The following USP13 variants were observed in gnomAD, a reference collection of about 807,000 sequenced individuals.
USP13 encodes ubiquitin carboxyl-terminal hydrolase 13.
USP13 carries 68 observed loss-of-function variants against 107.8 expected under a neutral mutation model. That is an observed-to-expected ratio of 0.63 (90% CI 0.52 to 0.77). The LOEUF (loss-of-function observed/expected upper bound fraction) is 0.77, where lower values mean the gene tolerates loss of function less well. Ranked by LOEUF, USP13 falls within the 30% of genes least tolerant of loss-of-function variation. USP13 has a pLI of 0.00. For synonymous variants in USP13, 377 were observed against 389.5 expected, an observed-to-expected ratio of 0.97 and a Z score of 0.38; for missense variants, 945 against 1,093.3, an observed-to-expected ratio of 0.86 and a Z score of 1.91.
chr3:179,746,440 GT>G (rs1039652000), intron 13 of USP13, among the ~76,000 whole-genome samples: 1 of 145,358 alleles, frequency 6.9e-6, no homozygotes. Context: ...ATTTTTTTTT[GT>G]TTTTTTTTGA....
At chr3:179,690,200 T>G (rs1459609893) in intron 2 of USP13, 41 bp from the exon 3 acceptor site, 1 of 1,590,574 alleles carries the variant, frequency 6.3e-7, no homozygotes. Context: ...AGATGTTTAT[T>G]TTATAGGCCG....
Position 179,703,748 on chromosome 3 carries a change from C to T in USP13, c.477+2619C>T, listed in dbSNP as rs576076891. 2.0e-5 allele frequency among the ~76,000 whole-genome samples: 3 copies of T among 152,174 alleles called. No individual in the cohort carries two copies. In the East Asian group the frequency reaches 5.8e-4, roughly 29 times the overall value. ...CCATTGTACAGAATTTCCAGCATTC[C>T]GCTGACATGCATGTAAATAAAACCT... On this transcript the variant is annotated intron_variant, in intron 4 of 20. Coordinates refer to ENST00000263966, the MANE Select transcript of USP13 (RefSeq NM_003940.3).
intron 16 of USP13, 136 bp from the exon 17 acceptor site, chr3:179,760,976 C>A: frequency 8.9e-7 from 1 of 1,127,376 alleles, no homozygotes; most frequent in Non-Finnish European, 1.2e-6. Context: ...CAAAACTAAA[C>A]AAAGTAAAAC....
Position 179,653,432 on chromosome 3 carries a change from G to A in USP13, c.168+39G>A. 1 of 1,536,068 alleles carries A rather than the reference G, an allele frequency of 6.5e-7. No homozygotes were observed. The highest frequency in any genetic ancestry group is 1.4e-5 in the African/African-American group (1 of 72,400). ...CTCGGGGGAGGGTCGCGGGGCCGGC[G>A]GCCTGCGGCACGTGAAGCCGGGGGA... On this transcript the variant is annotated intron_variant, in intron 1 of 20. Coordinates refer to ENST00000263966, the MANE Select transcript of USP13 (RefSeq NM_003940.3). This position sits in a 1 kb window ranked among gnomAD's most constrained non-coding sequence, Gnocchi z 4.0.
Position 179,730,701 on chromosome 3 carries a change from G to A in USP13, c.1246G>A (p.Glu416Lys). 1 of 1,614,060 alleles carries A rather than the reference G, an allele frequency of 6.2e-7. No homozygotes were observed. The highest frequency in any genetic ancestry group is 8.5e-7 in the Non-Finnish European group (1 of 1,179,930). ...ACTCATTGAACAGGTGATGAAGGAGGAGCACAAGGTATGTGTCCGAGCGTT... is the reference window on the plus strand; with the variant it reads ...ACTCATTGAACAGGTGATGAAGGAGAAGCACAAGGTATGTGTCCGAGCGTT... ...SELIEQVMKEEHKPQQNGISP... is the reference protein window; with the variant it reads ...SELIEQVMKEKHKPQQNGISP... The change falls in exon 10 of 21, where the codon GAG becomes AAG. Residue 416 changes from glutamate (E) to lysine (K), a missense_variant. Physicochemically the swap from Glu to Lys is moderately conservative, Grantham distance 56. Coordinates refer to ENST00000263966, the MANE Select transcript of USP13 (RefSeq NM_003940.3).
intron 8 of USP13, among the ~76,000 whole-genome samples, chr3:179,727,483 G>A (rs1196453171): frequency 8.9e-6 from 1 of 112,434 alleles, no homozygotes; most frequent in Non-Finnish European, 1.9e-5. Flanking sequence ...AGGGTTGGGG[G>A]TAAGGTCACA....
chr3:179,722,410 T>C (rs566368631), intron 8 of USP13, among the ~76,000 whole-genome samples: 96 of 152,338 alleles, frequency 6.3e-4, no homozygotes, highest in African/African-American at 2.1e-3. Context: ...CATTGGGAAA[T>C]TGTAACAATT....
In USP13 at chr3:179,784,134, C is replaced by T. The variant is rs1323170286; in HGVS notation, c.2585C>T (p.Pro862Leu). Residue 862 changes from proline to leucine, a missense_variant, in exon 21 of 21, where the codon CCA becomes CTA. Transcript: ENST00000263966. Reference sequence around the variant, plus strand: ...TACATGTACTTTTACCGCAGGATACCAAGCTAAACCTCAAATATAAAAATT... The same window carrying T: ...TACATGTACTTTTACCGCAGGATACTAAGCTAAACCTCAAATATAAAAATT... Reference protein sequence around the residue: ...LGYMYFYRRIPS With the variant: ...LGYMYFYRRILS The T allele has an allele frequency of 2.5e-6, 4 of 1,600,924 alleles. No individual in the cohort carries two copies. The highest frequency in any genetic ancestry group is 1.4e-5 in the African/African-American group (1 of 73,828).
At chr3:179,774,573 C>T (rs1346607806) in intron 19 of USP13, among the ~76,000 whole-genome samples, 1 of 149,576 alleles carries the variant, frequency 6.7e-6, no homozygotes, top group African/African-American at 2.6e-5. Context: ...GGTTTGTGGT[C>T]TCGCTGGCCT....
intron 16 of USP13, among the ~76,000 whole-genome samples, chr3:179,758,692 G>T (rs1199571994): frequency 1.3e-5 from 2 of 151,902 alleles, no homozygotes; most frequent in Non-Finnish European, 2.9e-5. Context: ...TAGAGACGGG[G>T]TTTTACCGTG....
intron 3 of USP13, among the ~76,000 whole-genome samples, chr3:179,696,423 C>G (rs554851272): frequency 2.0e-5 from 3 of 151,446 alleles, no homozygotes; most frequent in South Asian, 4.2e-4. Context: ...CTCCGCCTCC[C>G]GGGTTCAAGC....
chr3:179,707,198 G>T lies in USP13; in HGVS notation c.620+122G>T. ...TCTTACCAGATGCCTTTTATTAAAA[G>T]TAAATATAAAACTTCTCTAAAATTG... On this transcript the variant is annotated intron_variant, in intron 5 of 20. Transcript: ENST00000263966. 7.0e-6 allele frequency: 9 copies of T among 1,278,354 alleles called. No individual in the cohort carries two copies. In the East Asian group the frequency reaches 7.9e-5, roughly 11 times the overall value. 79.2% of individuals were successfully genotyped at this position (1,278,354 alleles called of 1,614,324 possible). A position where few individuals can be genotyped will look rare whatever the true frequency, so the allele number is the denominator to read the frequency against.
At chr3:179,731,788 G>A (rs1026754642) in intron 10 of USP13, among the ~76,000 whole-genome samples, 2 of 152,150 alleles carry the variant, frequency 1.3e-5, no homozygotes, top group African/African-American at 4.8e-5. Flanking sequence ...TGGAACGCGT[G>A]CCCCACTTCC....
rs142011821 is a variant in USP13 at position 179,663,311 on chromosome 3, A to T, written c.168+9918A>T. On this transcript the variant is annotated intron_variant, in intron 1 of 20. Transcript: ENST00000263966. ...CAAGGTTAATCCATGTTGTTGTGTC[A>T]ATTTTCTTCCTTTGTAAGGCAGGAT... Among the ~76,000 whole-genome samples the T allele has an allele frequency of 1.6e-4, 24 of 152,278 alleles. No individual in the cohort carries two copies. The East Asian group carries it at 3.1e-3, about 20-fold the overall frequency.
intron 16 of USP13, among the ~76,000 whole-genome samples, chr3:179,759,010 G>C (rs7621675): frequency 0.047 from 7,096 of 149,926 alleles, 570 homozygotes; most frequent in African/African-American, 0.16. Flanking sequence ...GAGACGGAGT[G>C]TCACTCTGTC....
chr3:179,658,130 A>G (rs753193428), intron 1 of USP13, among the ~76,000 whole-genome samples: 2 of 152,034 alleles, frequency 1.3e-5, no homozygotes, highest in Non-Finnish European at 2.9e-5. Flanking sequence ...AATTTTTTGT[A>G]TTTTTAGTAG....
chr3:179,730,327 T>C (rs1338736277), intron 9 of USP13, 67 bp downstream of exon 9: 4 of 1,490,174 alleles, frequency 2.7e-6, no homozygotes, highest in Non-Finnish European at 3.7e-6. Flanking sequence ...ATAGTGGATA[T>C]CTCTGGGTTG....
In USP13 at chr3:179,653,750, G is replaced by A; in HGVS notation, c.168+357G>A. On this transcript the variant is annotated intron_variant, in intron 1 of 20. Coordinates refer to ENST00000263966, the MANE Select transcript of USP13 (RefSeq NM_003940.3). This position sits in a 1 kb window ranked among gnomAD's most constrained non-coding sequence, Gnocchi z 4.0. ...CCTCCGCGGGGCAGAGCGCAGGGCG[G>A]GTAGGTGGACGGGATGATCCCCCCA... The A allele has an allele frequency of 4.6e-6, 1 of 215,676 alleles. No homozygotes were observed. Among genetic ancestry groups the A allele is most frequent in the Non-Finnish European group, 9.2e-6 (1 of 108,348 alleles). 13.4% of individuals were successfully genotyped at this position (215,676 alleles called of 1,614,324 possible).
At chr3:179,688,110 C>CATCCATCCATCCATCCATCG (rs1711947628) in intron 2 of USP13, among the ~76,000 whole-genome samples, 1 of 149,992 alleles carries the variant, frequency 6.7e-6, no homozygotes, top group African/African-American at 2.5e-5. Flanking sequence ...TCCATCCATC[C>CATCCATCCATCCATCCATCG]ATCCATCCAT....
Sources: allele counts gnomAD v4.1 joint callset (sites outside exome capture counted in the v4.1 genomes callset), GRCh38; gene constraint gnomAD v4.1.1; non-coding constraint Gnocchi (gnomAD v3.1); transcripts MANE v1.5; gene names NCBI Gene and HGNC (gene_info 2026-07-23, HGNC 2026-07-21).